HERC4: variants seen among roughly 807,000 people sequenced by gnomAD.
The protein encoded by HERC4 is probable E3 ubiquitin-protein ligase HERC4.
A neutral mutation model predicts 124.3 loss-of-function variants in HERC4; 28 were observed. The observed-to-expected ratio is 0.23, with a 90% CI of 0.17 to 0.31. The LOEUF (loss-of-function observed/expected upper bound fraction) is 0.31, where lower values mean the gene tolerates loss of function less well. Ranked by LOEUF, HERC4 falls within the 10% of genes least tolerant of loss-of-function variation. The pLI is 1.00. For synonymous variants in HERC4, 407 were observed against 421.5 expected, an observed-to-expected ratio of 0.97 and a Z score of 0.42; for missense variants, 713 against 1,229.3, an observed-to-expected ratio of 0.58 and a Z score of 6.28.
At chr10:67,972,109 G>A (rs1437198902) in intron 15 of HERC4, among the ~76,000 whole-genome samples, 1 of 151,552 alleles carries the variant, frequency 6.6e-6, no homozygotes, top group African/African-American at 2.4e-5. Flanking sequence ...AGCTACTTGG[G>A]AGGCTGAGGC....
At chr10:67,962,647 A>T (rs2132400160) in intron 16 of HERC4, among the ~76,000 whole-genome samples, 1 of 152,216 alleles carries the variant, frequency 6.6e-6, no homozygotes, top group East Asian at 1.9e-4. Flanking sequence ...AACTAAAAGT[A>T]TCAGAAAGGG....
chr10:67,989,032 C>T (rs546178418), intron 14 of HERC4, among the ~76,000 whole-genome samples, 197 bp from the exon 15 acceptor site: 1 of 151,824 alleles, frequency 6.6e-6, no homozygotes, highest in African/African-American at 2.4e-5. Flanking sequence ...CAATATTGTC[C>T]GAAAAGCTCT....
chr10:67,946,618 AC>A (rs1289868765), intron 19 of HERC4, among the ~76,000 whole-genome samples: 1 of 152,124 alleles, frequency 6.6e-6, no homozygotes, highest in African/African-American at 2.4e-5. Context: ...TATAACAATT[AC>A]AAATATAGGC....
chr10:68,004,980 C>T (rs935691308), intron 9 of HERC4, among the ~76,000 whole-genome samples: 1 of 152,190 alleles, frequency 6.6e-6, no homozygotes, highest in African/African-American at 2.4e-5. Flanking sequence ...CATTCTTCTG[C>T]ATATGGATAT....
chr10:68,027,651 G>A (rs910693730), intron 7 of HERC4, among the ~76,000 whole-genome samples: 5 of 152,180 alleles, frequency 3.3e-5, no homozygotes, highest in South Asian at 2.1e-4. Context: ...GGTGGGGCAC[G>A]GTGGCTCACG....
chr10:67,953,508 T>C (rs1194618935), intron 19 of HERC4, among the ~76,000 whole-genome samples: 2 of 152,194 alleles, frequency 1.3e-5, no homozygotes, highest in African/African-American at 2.4e-5. Flanking sequence ...CCAAAAAGTA[T>C]ATAGGTTGTT....
At chr10:68,053,931 T>C (rs890860535) in intron 3 of HERC4, among the ~76,000 whole-genome samples, 2 of 152,220 alleles carry the variant, frequency 1.3e-5, no homozygotes, top group Admixed American at 6.5e-5. Flanking sequence ...AAAATTTTAA[T>C]ACTGAGGTCA....
At chr10:67,980,057 A>G (rs2035836635) in intron 15 of HERC4, among the ~76,000 whole-genome samples, 1 of 152,220 alleles carries the variant, frequency 6.6e-6, no homozygotes, top group Non-Finnish European at 1.5e-5. Context: ...ATGGCATGAC[A>G]TTTAAAGTAT....
intron 9 of HERC4, among the ~76,000 whole-genome samples, chr10:68,012,780 C>CA (rs1214241362): frequency 1.3e-5 from 2 of 152,064 alleles, no homozygotes; most frequent in East Asian, 3.9e-4. Flanking sequence ...GCAGTGTTGT[C>CA]AAAAAACCTT....
chr10:67,943,877 T>C (rs1202062607), intron 19 of HERC4, among the ~76,000 whole-genome samples: 2 of 152,210 alleles, frequency 1.3e-5, no homozygotes, highest in Non-Finnish European at 2.9e-5. Context: ...GGATGGGGCC[T>C]GTAGAGTGGG....
intron 5 of HERC4, among the ~76,000 whole-genome samples, chr10:68,035,001 T>C (rs1016240939): frequency 5.3e-5 from 8 of 152,150 alleles, no homozygotes; most frequent in Non-Finnish European, 1.2e-4. Flanking sequence ...TTTGCAACTT[T>C]AGACATCCTT....
intron 3 of HERC4, chr10:68,070,065 C>A: frequency 1.0e-6 from 1 of 983,918 alleles, no homozygotes; most frequent in Non-Finnish European, 1.2e-6. Context: ...CAAAACAAAA[C>A]AAAACAAAAA....
At chr10:67,937,651 TC>T (rs1359775544) in intron 21 of HERC4, among the ~76,000 whole-genome samples, 3 of 152,088 alleles carry the variant, frequency 2.0e-5, no homozygotes, top group Admixed American at 2.0e-4. Flanking sequence ...AAAATGCTTT[TC>T]TGTTGTTATC....
At chr10:68,023,921 T>C (rs538375514) in intron 8 of HERC4, among the ~76,000 whole-genome samples, 1 of 152,228 alleles carries the variant, frequency 6.6e-6, no homozygotes, top group South Asian at 2.1e-4. Flanking sequence ...AAATATTTCT[T>C]AGAAAATAAA....
intron 23 of HERC4, among the ~76,000 whole-genome samples, chr10:67,930,045 A>G (rs1314315405): frequency 1.3e-5 from 2 of 152,238 alleles, no homozygotes; most frequent in African/African-American, 4.8e-5. Flanking sequence ...ACCTCAGGTG[A>G]TCTGCCCGCC....
At position 68,072,911 on chromosome 10, in the gene HERC4, T is replaced by C. The variant is rs1244108366; in HGVS notation, c.198A>G (p.Leu66=). The C allele has an allele frequency of 1.9e-6, 3 of 1,596,696 alleles. No homozygotes were observed. Among genetic ancestry groups the C allele is most frequent in the South Asian group, 1.1e-5 (1 of 87,096 alleles). ...YTCGCNDLGQ[L]GHEKSRKKPE... ...GTTTCTTTCTGGATTTTTCATGACC[T>C]AGCTGTCCTAGATCATTACATCCAC... The change falls in exon 3 of 25, where the codon CTA becomes CTG. Residue 66 remains leucine, a synonymous_variant. Coordinates refer to ENST00000373700, the MANE Select transcript of HERC4 (RefSeq NM_015601.4).
chr10:67,944,193 G>A (rs914652781), intron 19 of HERC4, among the ~76,000 whole-genome samples: 1 of 152,252 alleles, frequency 6.6e-6, no homozygotes, highest in African/African-American at 2.4e-5. Context: ...AGTCCCAGTA[G>A]TGGTGTCTAC....
intron 3 of HERC4, chr10:68,069,155 C>T: frequency 5.2e-6 from 5 of 969,632 alleles, no homozygotes; most frequent in Non-Finnish European, 6.1e-6. Context: ...AGAAAAGGAT[C>T]TTGTAAAGAA....
At chr10:68,039,027 G>A (rs531190448) in intron 4 of HERC4, among the ~76,000 whole-genome samples, 6 of 151,992 alleles carry the variant, frequency 3.9e-5, no homozygotes, top group Admixed American at 2.0e-4. Flanking sequence ...GCCAGATGCG[G>A]ATTACAGGTG....
Sources: allele counts gnomAD v4.1 joint callset (sites outside exome capture counted in the v4.1 genomes callset), GRCh38; gene constraint gnomAD v4.1.1; transcripts MANE v1.5; gene names NCBI Gene and HGNC (gene_info 2026-07-23, HGNC 2026-07-21).